FYB1: variants seen among roughly 807,000 people sequenced by gnomAD.
FYB1 encodes the protein FYN-binding protein 1.
FYB1 carries 41 observed loss-of-function variants against 94.1 expected under a neutral mutation model. The ratio of observed to expected loss-of-function variants is 0.44; its 90% CI spans 0.34 to 0.57. The LOEUF is 0.57. Among genes scored for constraint, FYB1 ranks in the 20% least tolerant of loss-of-function variants. The probability of loss-of-function intolerance (pLI) is 0.02; values close to 1 mark genes in which losing one functional copy is unlikely to be tolerated. For missense variants in FYB1, 1,050 were observed against 976.8 expected, an observed-to-expected ratio of 1.07 and a Z score of -1.00; for synonymous variants, 367 against 353.2, an observed-to-expected ratio of 1.04 and a Z score of -0.44.
At chr5:39,159,966 T>A (rs1309779956) in intron 2 of FYB1, among the ~76,000 whole-genome samples, 1 of 152,202 alleles carries the variant, frequency 6.6e-6, no homozygotes, top group Non-Finnish European at 1.5e-5. Flanking sequence ...TCCCCCACCC[T>A]AGATACCAGC....
chr5:39,225,905 T>C (rs1009755750), intron 1 of FYB1, among the ~76,000 whole-genome samples: 4 of 152,212 alleles, frequency 2.6e-5, no homozygotes, highest in African/African-American at 9.6e-5. Context: ...TTTAATAGTG[T>C]TAACAAGTTC....
chr5:39,163,901 A>G (rs1580431074), intron 2 of FYB1, among the ~76,000 whole-genome samples: 1 of 152,230 alleles, frequency 6.6e-6, no homozygotes, highest in Non-Finnish European at 1.5e-5. Context: ...AATAACTTCT[A>G]TAGGAGCAAA....
chr5:39,167,271 GTCTC>G (rs144826320), intron 2 of FYB1, among the ~76,000 whole-genome samples: 84 of 150,822 alleles, frequency 5.6e-4, no homozygotes, highest in Non-Finnish European at 9.3e-4. Context: ...CTCTCTCTCT[GTCTC>G]TCTCTCTCTC....
rs141460833 is a variant in FYB1, at chr5:39,194,931, C to T, written c.1135+6895G>A. On this transcript the variant is annotated intron_variant, in intron 2 of 18. Coordinates refer to ENST00000512982, the MANE Select transcript of FYB1 (RefSeq NM_001465.6). The stretch of plus-strand genomic sequence containing the variant: ...GTGGGTGGAATAAATTGGGCTCGGG[C>T]TGGAGTAAAAAGAAGAGTGACACCA... Among the ~76,000 whole-genome samples the T allele has an allele frequency of 4.3e-3, 655 of 152,204 alleles. 8 individuals are homozygous for T. The highest frequency in any genetic ancestry group is 0.015 in the African/African-American group (640 of 41,522).
At chr5:39,256,961 T>G (rs1418777120) in intron 1 of FYB1, among the ~76,000 whole-genome samples, 1 of 152,258 alleles carries the variant, frequency 6.6e-6, no homozygotes, top group Non-Finnish European at 1.5e-5. Context: ...AACATTTTCA[T>G]GTAAGTTCAG....
intron 2 of FYB1, among the ~76,000 whole-genome samples, chr5:39,183,806 G>A (rs1746486920): frequency 2.0e-5 from 3 of 152,158 alleles, no homozygotes; most frequent in Admixed American, 2.0e-4. Context: ...ATTAAAAATG[G>A]AGATACGTAG....
intron 15 of FYB1, 88 bp from the exon 16 acceptor site, chr5:39,119,124 T>C: frequency 1.7e-6 from 1 of 589,464 alleles, no homozygotes; most frequent in Non-Finnish European, 2.7e-6. Flanking sequence ...AAAAAGTTAT[T>C]TGCTAAAGAG....
rs1389160949 is a variant in FYB1, at chr5:39,105,387, T to C, written c.*2056A>G. 1.3e-5 allele frequency: 2 copies of C among 152,194 alleles called. No homozygotes were observed. Among genetic ancestry groups the C allele is most frequent in the Non-Finnish European group, 2.9e-5 (2 of 68,030 alleles). The allele number at this position is 152,194 out of a possible 1,614,324, so 9.4% of individuals were successfully genotyped here. On this transcript the variant is annotated 3_prime_UTR_variant, in exon 19 of 19. Coordinates refer to ENST00000512982, the MANE Select transcript of FYB1 (RefSeq NM_001465.6). ...TCTTTCACATTAAGATGATTATCTATTGTGTAAATCTTTCCTAGGTATGTG... is the reference window on the plus strand; with the variant it reads ...TCTTTCACATTAAGATGATTATCTACTGTGTAAATCTTTCCTAGGTATGTG...
At chr5:39,205,910 G>A (rs1263444911) in intron 1 of FYB1, among the ~76,000 whole-genome samples, 1 of 152,084 alleles carries the variant, frequency 6.6e-6, no homozygotes, top group African/African-American at 2.4e-5. Context: ...AGGATTAAAT[G>A]GGCAAAGGCA....
intron 2 of FYB1, among the ~76,000 whole-genome samples, chr5:39,168,376 T>G (rs1384677133): frequency 6.6e-6 from 1 of 152,206 alleles, no homozygotes; most frequent in African/African-American, 2.4e-5. Context: ...TAAAGGTGTA[T>G]TTTAATGACA....
At chr5:39,188,116 C>T (rs16868279) in intron 2 of FYB1, among the ~76,000 whole-genome samples, 5,481 of 152,092 alleles carry the variant, frequency 0.036, 335 homozygotes, top group African/African-American at 0.13. Context: ...TTGCTGCAGC[C>T]CTCCAAAGGC....
rs201060938 is a variant in FYB1, at chr5:39,202,699, C to T, written c.262G>A (p.Ala88Thr). The change falls in exon 2 of 19, where the codon GCA (alanine) becomes ACA (threonine). Residue 88 changes from alanine (A) to threonine (T), a missense_variant. By Grantham distance (58) the Ala-to-Thr change is moderately conservative (BLOSUM62 0). Coordinates refer to ENST00000512982, the MANE Select transcript of FYB1 (RefSeq NM_001465.6). ...PKPPFLKPTG[A>T]GQRFGTPASL... ...GCTGGTGTTCCGAATCTTTGGCCTG[C>T]TCCAGTGGGCTTTAGAAACGGGGGC... The T allele has an allele frequency of 1.9e-6, 3 of 1,613,888 alleles. No homozygotes were observed. The highest frequency in any genetic ancestry group is 2.2e-5 in the East Asian group (1 of 44,872).
At chr5:39,108,337 A>T in intron 17 of FYB1, 75 bp from the exon 18 acceptor site, 2 of 1,267,560 alleles carry the variant, frequency 1.6e-6, no homozygotes, top group Non-Finnish European at 2.2e-6. Context: ...AGAAGAATAG[A>T]GTAACAGTAT....
chr5:39,134,841 A>G lies in FYB1; in HGVS notation c.1675+14T>C. The G allele has an allele frequency of 1.2e-6, 2 of 1,613,150 alleles. No homozygotes were observed. The highest frequency in any genetic ancestry group is 1.7e-6 in the Non-Finnish European group (2 of 1,179,378). ...AAGAAAATACTTCGAAGCCATAGAG[A>G]AATTTGCACTCACATGAACCCCTTG... On this transcript the variant is annotated intron_variant, in intron 8 of 18. Coordinates refer to ENST00000512982, the MANE Select transcript of FYB1 (RefSeq NM_001465.6).
intron 1 of FYB1, among the ~76,000 whole-genome samples, chr5:39,250,003 T>G (rs192139097): frequency 6.6e-6 from 1 of 152,246 alleles, no homozygotes; most frequent in African/African-American, 2.4e-5. Flanking sequence ...TCTCATGAGA[T>G]CTGATGGTTT....
intron 1 of FYB1, among the ~76,000 whole-genome samples, chr5:39,207,271 T>C (rs993694358): frequency 2.0e-5 from 3 of 152,230 alleles, no homozygotes; most frequent in Admixed American, 1.3e-4. Flanking sequence ...TAGTCCAGAT[T>C]ACTCACAAAC....
chr5:39,192,552 C>T (rs79109118), intron 2 of FYB1, among the ~76,000 whole-genome samples: 2,564 of 152,238 alleles, frequency 0.017, 76 homozygotes, highest in African/African-American at 0.057. Context: ...AAACATATAT[C>T]AGTTTTATCC....
intron 2 of FYB1, among the ~76,000 whole-genome samples, chr5:39,157,135 G>A (rs533783733): frequency 7.9e-5 from 12 of 152,224 alleles, no homozygotes; most frequent in African/African-American, 9.6e-5. Flanking sequence ...TTAGTAAGCC[G>A]TAGCGGTGGG....
At chr5:39,168,451 T>TA (rs1744939488) in intron 2 of FYB1, among the ~76,000 whole-genome samples, 1 of 152,324 alleles carries the variant, frequency 6.6e-6, no homozygotes. Flanking sequence ...AAACATAATG[T>TA]AAAAAATTGT....
Sources: allele counts gnomAD v4.1 joint callset (sites outside exome capture counted in the v4.1 genomes callset), GRCh38; gene constraint gnomAD v4.1.1; transcripts MANE v1.5; gene names NCBI Gene and HGNC (gene_info 2026-07-23, HGNC 2026-07-21).